The following LTBP1 variants were observed in gnomAD, a reference collection of about 807,000 sequenced individuals.
The protein encoded by LTBP1 is latent transforming growth factor beta binding protein 1.
LTBP1 carries 129 observed loss-of-function variants against 207.6 expected under a neutral mutation model. The ratio of observed to expected loss-of-function variants is 0.62; its 90% CI spans 0.54 to 0.72. The LOEUF (loss-of-function observed/expected upper bound fraction) is 0.72, where lower values mean the gene tolerates loss of function less well. Among genes scored for constraint, LTBP1 ranks in the 30% least tolerant of loss-of-function variants. LTBP1 has a pLI of 0.00. For missense variants in LTBP1, 2,281 were observed against 2,217.2 expected, an observed-to-expected ratio of 1.03 and a Z score of -0.58; for synonymous variants, 963 against 833.7, an observed-to-expected ratio of 1.16 and a Z score of -2.67.
At chr2:33,377,307 C>T (rs970639316) in intron 31 of LTBP1, among the ~76,000 whole-genome samples, 1 of 152,182 alleles carries the variant, frequency 6.6e-6, no homozygotes, top group African/African-American at 2.4e-5. Context: ...GTAGCATGAA[C>T]TCTCTGTTTT....
At position 33,293,234 on chromosome 2, in the gene LTBP1, T is replaced by G. The variant is rs1306981855; in HGVS notation, c.3187T>G (p.Ser1063Ala). ...CSNLEGSYMC[S>A]CHKGYTRTPD... ...CAACCTTGAAGGCTCCTACATGTGT[T>G]CATGCCACAAAGGCTATACCCGGAC... Residue 1063 changes from serine (S) to alanine (A), a missense_variant, in exon 20 of 34, where the codon TCA becomes GCA. Ser to Ala is a moderately conservative substitution (Grantham distance 99, BLOSUM62 1). Transcript: ENST00000404816. 9 of 1,614,156 alleles carry G rather than the reference T, an allele frequency of 5.6e-6. No individual in the cohort carries two copies. The highest frequency in any genetic ancestry group is 2.2e-5 in the East Asian group (1 of 44,886).
chr2:33,006,963 T>C (rs1294522349), intron 2 of LTBP1, among the ~76,000 whole-genome samples: 1 of 152,222 alleles, frequency 6.6e-6, no homozygotes, highest in Non-Finnish European at 1.5e-5. Context: ...TGCTCCCTTT[T>C]GGCATGTCAA....
intron 2 of LTBP1, among the ~76,000 whole-genome samples, chr2:32,956,988 C>T (rs1292011268): frequency 6.6e-6 from 1 of 152,192 alleles, no homozygotes; most frequent in Non-Finnish European, 1.5e-5. Context: ...CAATAGGTCT[C>T]AACAGTGGGG....
At position 32,947,307 on chromosome 2, in the gene LTBP1, C is replaced by T. The variant is rs1676316904; in HGVS notation, c.-18C>T. The T allele has an allele frequency of 6.5e-6, 8 of 1,226,408 alleles. No individual in the cohort carries two copies. The highest frequency in any genetic ancestry group is 3.6e-5 in the South Asian group (1 of 28,032). The allele number at this position is 1,226,408 out of a possible 1,614,324, so 76.0% of individuals were successfully genotyped here. The stretch of plus-strand genomic sequence containing the variant: ...GGGCCGGACCGCGCGCGACCGGTCG[C>T]GCCCGCTGGGGCCCGCGATGGCGGG... On this transcript the variant is annotated 5_prime_UTR_variant, in exon 1 of 34. Transcript: ENST00000404816.
intron 13 of LTBP1, among the ~76,000 whole-genome samples, chr2:33,262,036 G>A (rs146285584): frequency 6.6e-6 from 1 of 152,298 alleles, no homozygotes; most frequent in East Asian, 1.9e-4. Context: ...CTGCACAGTT[G>A]TAAATGGAAG....
chr2:33,052,927 T>G (rs1177707789), intron 3 of LTBP1, among the ~76,000 whole-genome samples: 1 of 151,672 alleles, frequency 6.6e-6, no homozygotes, highest in African/African-American at 2.4e-5. Context: ...CAGGCTGGAG[T>G]GCAGTGGTGT....
At chr2:33,078,002 G>C (rs1043019668) in intron 3 of LTBP1, among the ~76,000 whole-genome samples, 1 of 152,108 alleles carries the variant, frequency 6.6e-6, no homozygotes, top group South Asian at 2.1e-4. Flanking sequence ...AGGTTGAGTG[G>C]CTTACAGCAT....
At chr2:33,211,005 T>C (rs1170361097) in intron 7 of LTBP1, among the ~76,000 whole-genome samples, 1 of 152,232 alleles carries the variant, frequency 6.6e-6, no homozygotes, top group Non-Finnish European at 1.5e-5. Flanking sequence ...GTTCTCTCCT[T>C]TGGCTCTAAA....
intron 26 of LTBP1, among the ~76,000 whole-genome samples, chr2:33,354,163 G>A (rs968323545): frequency 6.6e-6 from 1 of 151,658 alleles, no homozygotes; most frequent in Non-Finnish European, 1.5e-5. Context: ...GCGCTCGGCC[G>A]TGCATGTACA....
intron 9 of LTBP1, among the ~76,000 whole-genome samples, chr2:33,230,106 G>C (rs1279356081): frequency 6.6e-6 from 1 of 152,068 alleles, no homozygotes; most frequent in Non-Finnish European, 1.5e-5. Context: ...TTTTGATTTT[G>C]TTTTCCTAAA....
intron 5 of LTBP1, among the ~76,000 whole-genome samples, chr2:33,174,727 G>C (rs1450549747): frequency 1.3e-5 from 2 of 152,132 alleles, no homozygotes; most frequent in Non-Finnish European, 2.9e-5. Context: ...AAACAAAGCT[G>C]GAGGCATCAC....
intron 5 of LTBP1, among the ~76,000 whole-genome samples, chr2:33,179,548 C>G (rs1336411840): frequency 1.3e-5 from 2 of 151,768 alleles, no homozygotes; most frequent in African/African-American, 4.8e-5. Context: ...TCTGTTGTGT[C>G]TTTTGCATGT....
intron 4 of LTBP1, among the ~76,000 whole-genome samples, chr2:33,123,043 CCTCA>C (rs987947757): frequency 9.2e-5 from 14 of 152,032 alleles, no homozygotes; most frequent in African/African-American, 3.4e-4. Context: ...CTCAACTTTT[CCTCA>C]CTCTCTTTAT....
chr2:33,062,583 C>A (rs1259011380), intron 3 of LTBP1, among the ~76,000 whole-genome samples: 3 of 152,004 alleles, frequency 2.0e-5, no homozygotes, highest in African/African-American at 7.2e-5. Context: ...TGCTTTGGCA[C>A]CTTTTATCAA....
intron 13 of LTBP1, 90 bp downstream of exon 13, chr2:33,259,700 T>G: frequency 8.2e-7 from 1 of 1,213,438 alleles, no homozygotes; most frequent in Non-Finnish European, 1.2e-6. Context: ...GACTTAAATA[T>G]AGTAACATCT....
In LTBP1 at chr2:33,262,789, T is replaced by C. The variant is rs2093055710; in HGVS notation, c.2486T>C (p.Ile829Thr). ...EPGQPQLSPG[I>T]STIHLHPQFP... Reference sequence around the variant, plus strand: ...GGTCAACCCCAGCTGTCTCCAGGCATTTCCACTATTCATCTGCATCCACAG... The same window carrying C: ...GGTCAACCCCAGCTGTCTCCAGGCACTTCCACTATTCATCTGCATCCACAG... The change falls in exon 14 of 34, where the codon ATT (isoleucine) becomes ACT (threonine). Residue 829 changes from isoleucine to threonine, a missense_variant. Transcript: ENST00000404816. 6.2e-7 allele frequency: 1 copy of C among 1,606,906 alleles called. No homozygotes were observed. Among genetic ancestry groups the C allele is most frequent in the Non-Finnish European group, 8.5e-7 (1 of 1,175,564 alleles).
chr2:32,983,735 T>C (rs1273714935), intron 2 of LTBP1, among the ~76,000 whole-genome samples: 1 of 152,232 alleles, frequency 6.6e-6, no homozygotes, highest in Non-Finnish European at 1.5e-5. Context: ...CCTGACGCCA[T>C]GTAAAATGTG....
At chr2:32,984,467 C>G (rs909223391) in intron 2 of LTBP1, among the ~76,000 whole-genome samples, 1 of 152,214 alleles carries the variant, frequency 6.6e-6, no homozygotes, top group Non-Finnish European at 1.5e-5. Flanking sequence ...TTTAACTCAG[C>G]TGCACCTGTA....
intron 3 of LTBP1, among the ~76,000 whole-genome samples, chr2:33,060,082 A>G (rs1267351513): frequency 6.6e-6 from 1 of 152,120 alleles, no homozygotes; most frequent in Non-Finnish European, 1.5e-5. Flanking sequence ...CTGACCTTGG[A>G]CTGTGCACAT....
Sources: allele counts gnomAD v4.1 joint callset (sites outside exome capture counted in the v4.1 genomes callset), GRCh38; gene constraint gnomAD v4.1.1; transcripts MANE v1.5; gene names NCBI Gene and HGNC (gene_info 2026-07-23, HGNC 2026-07-21).